Variants in RAPGEF1 observed in about 807,000 individuals in gnomAD.
RAPGEF1 encodes the protein CRK SH3-binding GNRP.
RAPGEF1 carries 33 observed loss-of-function variants against 143.3 expected under a neutral mutation model. That is an observed-to-expected ratio of 0.23 (90% CI 0.17 to 0.31). The LOEUF (loss-of-function observed/expected upper bound fraction) is 0.31. Among genes scored for constraint, RAPGEF1 ranks in the 10% least tolerant of loss-of-function variants. RAPGEF1 has a pLI of 1.00. For synonymous variants in RAPGEF1, 629 were observed against 676.5 expected (o/e 0.93, Z 1.09); for missense variants, 1,199 against 1,645.4 (o/e 0.73, Z 4.69).
At chr9:131,663,474 T>C (rs1171529786) in intron 1 of RAPGEF1, among the ~76,000 whole-genome samples, 1 of 146,438 alleles carries the variant, frequency 6.8e-6, no homozygotes, top group Non-Finnish European at 1.5e-5. Context: ...TTTTTTTAAA[T>C]CCAAGATCCA....
intron 1 of RAPGEF1, among the ~76,000 whole-genome samples, chr9:131,728,851 T>C (rs1339699506): frequency 6.6e-6 from 1 of 152,254 alleles, no homozygotes. Flanking sequence ...GTCCAGACTC[T>C]GATTAAATGC....
intron 12 of RAPGEF1, among the ~76,000 whole-genome samples, chr9:131,608,147 G>C (rs1957406782): frequency 6.6e-6 from 1 of 152,174 alleles, no homozygotes; most frequent in African/African-American, 2.4e-5. Context: ...GAAAACAATA[G>C]CCCCTCCCCC....
chr9:131,659,195 A>C (rs1322267928), intron 1 of RAPGEF1, among the ~76,000 whole-genome samples: 1 of 152,236 alleles, frequency 6.6e-6, no homozygotes, highest in African/African-American at 2.4e-5. Flanking sequence ...GACATTAGGA[A>C]AAGCTTTTTT....
intron 1 of RAPGEF1, among the ~76,000 whole-genome samples, chr9:131,689,131 T>C (rs572855008): frequency 6.6e-6 from 1 of 152,304 alleles, no homozygotes; most frequent in African/African-American, 2.4e-5. Context: ...AATGGAAAGA[T>C]TAATGGTTTG....
intron 1 of RAPGEF1, among the ~76,000 whole-genome samples, chr9:131,686,009 G>A (rs991170541): frequency 3.9e-5 from 6 of 152,274 alleles, no homozygotes; most frequent in South Asian, 2.1e-4. Flanking sequence ...TCCTTCATGC[G>A]TTCTGGGGTG....
chr9:131,678,139 A>G (rs2130895361), intron 1 of RAPGEF1, among the ~76,000 whole-genome samples: 1 of 152,360 alleles, frequency 6.6e-6, no homozygotes, highest in East Asian at 1.9e-4. Flanking sequence ...AGAAAACACT[A>G]AGCACACAGC....
intron 1 of RAPGEF1, among the ~76,000 whole-genome samples, chr9:131,676,998 C>T (rs576833067): frequency 6.6e-6 from 1 of 152,358 alleles, no homozygotes; most frequent in Admixed American, 6.5e-5. Flanking sequence ...AGTTGGAAGA[C>T]CACTGGCCTA....
chr9:131,649,448 G>A (rs562854341), intron 3 of RAPGEF1, among the ~76,000 whole-genome samples: 26 of 152,176 alleles, frequency 1.7e-4, no homozygotes, highest in Non-Finnish European at 3.4e-4. Context: ...GTAGCATCTC[G>A]ACAATTCAGA....
Position 131,679,281 on chromosome 9 carries a change from C to T in RAPGEF1, c.62-28332G>A, listed in dbSNP as rs556203177. On this transcript the variant is annotated intron_variant, in intron 1 of 26. Transcript: ENST00000683357. ...ACAAGCCTAAGGGGCCAGCCCCTGT[C>T]CTCCATGTGTCCTTCCATAAAAGAA... Among the ~76,000 whole-genome samples, 8 of 152,346 alleles carry T rather than the reference C, an allele frequency of 5.3e-5. No homozygotes were observed. In the East Asian group the frequency reaches 1.5e-3, roughly 29 times the overall value.
At chr9:131,622,133 G>A (rs563071478) in intron 10 of RAPGEF1, 135 bp from the exon 11 acceptor site, 21 of 837,676 alleles carry the variant, frequency 2.5e-5, no homozygotes, top group Middle Eastern at 3.2e-4. Context: ...GACGGAGCAC[G>A]GAGGACTTTT....
chr9:131,618,188 G>A (rs1295843311), intron 12 of RAPGEF1, among the ~76,000 whole-genome samples: 3 of 152,214 alleles, frequency 2.0e-5, no homozygotes, highest in African/African-American at 7.2e-5. Flanking sequence ...GGCCCTAAGG[G>A]GCCTTGCACG....
intron 1 of RAPGEF1, among the ~76,000 whole-genome samples, chr9:131,724,719 C>G (rs1836525634): frequency 6.6e-6 from 1 of 152,218 alleles, no homozygotes; most frequent in African/African-American, 2.4e-5. Context: ...TACAGCAACT[C>G]TGATGGATGA....
chr9:131,613,625 G>A (rs1454412586), intron 12 of RAPGEF1, among the ~76,000 whole-genome samples: 3 of 152,176 alleles, frequency 2.0e-5, no homozygotes, highest in African/African-American at 4.8e-5. Context: ...TGGGACAAGA[G>A]GGGCAGGACA....
At chr9:131,586,353 AACACAC>A (rs1275737322) in intron 22 of RAPGEF1, among the ~76,000 whole-genome samples, 1 of 50,208 alleles carries the variant, frequency 2.0e-5, no homozygotes, top group African/African-American at 9.7e-5. Context: ...CTCCGTCTCA[AACACAC>A]ACACACACAC....
chr9:131,695,572 G>C (rs1387532176), intron 1 of RAPGEF1, among the ~76,000 whole-genome samples: 5 of 152,238 alleles, frequency 3.3e-5, no homozygotes, highest in Admixed American at 3.3e-4. Flanking sequence ...GTTGGATCAA[G>C]CTAGACGTTT....
At position 131,629,171 on chromosome 9, in the gene RAPGEF1, G is replaced by A. The variant is rs550406702; in HGVS notation, c.824C>T (p.Pro275Leu). 6.2e-7 allele frequency: 1 copy of A among 1,613,920 alleles called. No homozygotes were observed. Among genetic ancestry groups the A allele is most frequent in the Non-Finnish European group, 8.5e-7 (1 of 1,179,908 alleles). Residue 275 changes from proline (P) to leucine (L), a missense_variant, in exon 7 of 27, where the codon CCA (proline) becomes CTA (leucine). Physicochemically the swap from Pro to Leu is moderately conservative, Grantham distance 98. Transcript: ENST00000683357. Reference protein sequence around the residue: ...TGMSQSTELLPDATDEEVAPP... With the variant: ...TGMSQSTELLLDATDEEVAPP... Reference sequence around the variant, plus strand: ...CGCGACCTCTTCATCCGTGGCATCTGGGAGGAGCTCAGTTGACTGTGACAT... The same window carrying A: ...CGCGACCTCTTCATCCGTGGCATCTAGGAGGAGCTCAGTTGACTGTGACAT...
intron 1 of RAPGEF1, among the ~76,000 whole-genome samples, chr9:131,694,797 CTTTT>C (rs60955547): frequency 7.2e-6 from 1 of 139,482 alleles, no homozygotes; most frequent in African/African-American, 2.7e-5. Context: ...TTCACACTTT[CTTTT>C]TTTTTTTTTT....
At chr9:131,690,470 C>A (rs77121925) in intron 1 of RAPGEF1, among the ~76,000 whole-genome samples, 12,182 of 150,784 alleles carry the variant, frequency 0.081, 580 homozygotes, top group Middle Eastern at 0.26. Context: ...TTTTCTAAAC[C>A]TTTTTTTTCT....
At chr9:131,680,020 G>A (rs17148186) in intron 1 of RAPGEF1, among the ~76,000 whole-genome samples, 18,511 of 152,250 alleles carry the variant, frequency 0.12, 1,292 homozygotes, top group Middle Eastern at 0.3. Flanking sequence ...TCTGCCATAC[G>A]CATCTAGCTC....
Sources: gnomAD v4.1 joint callset for allele counts (sites outside exome capture counted in the v4.1 genomes callset) on GRCh38, gnomAD v4.1.1 for gene constraint, MANE v1.5 for transcripts, NCBI Gene and HGNC (gene_info 2026-07-23, HGNC 2026-07-21) for gene names.